The following MYPN variants were observed in gnomAD, a reference collection of about 807,000 sequenced individuals.
The protein encoded by MYPN is sarcomeric protein myopalladin, 145 kDa (MYOP).
Under a neutral mutation model 129.4 loss-of-function variants are expected in MYPN, and 63 were observed. The ratio of observed to expected loss-of-function variants is 0.49; its 90% confidence interval spans 0.40 to 0.60. The LOEUF (loss-of-function observed/expected upper bound fraction) is 0.60. Ranked by LOEUF, MYPN falls within the 20% of genes least tolerant of loss-of-function variation. The probability of loss-of-function intolerance (pLI) is 0.00; values close to 1 mark genes in which losing one functional copy is unlikely to be tolerated. For missense variants in MYPN, 1,596 were observed against 1,635.4 expected (o/e 0.98, Z 0.42); for synonymous variants, 629 against 600.9 (o/e 1.05, Z -0.68).
At chr10:68,206,974 T>G in intron 19 of MYPN, 71 bp downstream of exon 19, 3 of 1,578,672 alleles carry the variant, frequency 1.9e-6, no homozygotes, top group Non-Finnish European at 2.6e-6. Context: ...TAAAGATAAA[T>G]GGGTCAGGCA....
chr10:68,097,635 C>G (rs1207443884), intron 1 of MYPN, among the ~76,000 whole-genome samples: 1 of 152,076 alleles, frequency 6.6e-6, no homozygotes, highest in Non-Finnish European at 1.5e-5. Context: ...AACTGAGACA[C>G]AAAGAGATTA....
intron 6 of MYPN, among the ~76,000 whole-genome samples, chr10:68,156,044 T>C (rs1399427641): frequency 6.6e-6 from 1 of 152,232 alleles, no homozygotes; most frequent in Non-Finnish European, 1.5e-5. Flanking sequence ...AGGGCTTTTG[T>C]GTAATCTCTG....
intron 12 of MYPN, among the ~76,000 whole-genome samples, chr10:68,177,520 G>A (rs536297754): frequency 1.3e-5 from 2 of 152,258 alleles, no homozygotes; most frequent in Non-Finnish European, 2.9e-5. Context: ...GAAGTTTTGG[G>A]AAATAAAATG....
intron 1 of MYPN, among the ~76,000 whole-genome samples, chr10:68,094,590 C>T (rs907534359): frequency 6.6e-6 from 1 of 152,086 alleles, no homozygotes; most frequent in African/African-American, 2.4e-5. Flanking sequence ...TACCCAGCCC[C>T]TATTCGAGAT....
At position 68,202,331 on chromosome 10, in the gene MYPN, G is replaced by T. The variant is rs113332854; in HGVS notation, c.3659+337G>T. Among the ~76,000 whole-genome samples the T allele has an allele frequency of 5.3e-5, 8 of 152,178 alleles. 1 individual carries two copies. Among genetic ancestry groups the T allele is most frequent in the African/African-American group, 1.9e-4 (8 of 41,504 alleles). On this transcript the variant is annotated intron_variant, in intron 18 of 19. Transcript: ENST00000358913. Reference sequence around the variant, plus strand: ...GCCTGTAGTCCCAGCTACTCGGGAGGCTGAGGCAGGAGAATGGCGTGAACC... The same window carrying T: ...GCCTGTAGTCCCAGCTACTCGGGAGTCTGAGGCAGGAGAATGGCGTGAACC...
intron 11 of MYPN, among the ~76,000 whole-genome samples, chr10:68,175,073 T>C (rs1589588833): frequency 6.6e-6 from 1 of 150,698 alleles, no homozygotes; most frequent in African/African-American, 2.4e-5. Context: ...GAGGCGGAGG[T>C]TGCAGTGAGC....
At chr10:68,111,202 G>C (rs1383109671) in intron 1 of MYPN, among the ~76,000 whole-genome samples, 1 of 152,142 alleles carries the variant, frequency 6.6e-6, no homozygotes, top group African/African-American at 2.4e-5. Context: ...TTGCAAATTT[G>C]CTTTTGAACA....
At chr10:68,178,687 T>C (rs983696541) in intron 12 of MYPN, among the ~76,000 whole-genome samples, 6 of 136,750 alleles carry the variant, frequency 4.4e-5, no homozygotes, top group African/African-American at 1.6e-4. Flanking sequence ...AGCTCCAGTC[T>C]GGGTGACAGA....
At chr10:68,119,047 G>T (rs1029719434) in intron 1 of MYPN, among the ~76,000 whole-genome samples, 2 of 152,066 alleles carry the variant, frequency 1.3e-5, no homozygotes, top group Admixed American at 1.3e-4. Flanking sequence ...CGAGGCTAAA[G>T]AAATAGTTGA....
At chr10:68,113,550 A>G (rs142195643) in intron 1 of MYPN, among the ~76,000 whole-genome samples, 522 of 152,162 alleles carry the variant, frequency 3.4e-3, no homozygotes, top group Non-Finnish European at 4.9e-3. Context: ...TTTAAAAGTT[A>G]TCTGGGCATG....
rs559718410 is a variant in MYPN, at chr10:68,185,395, C to G, written c.2704-3510C>G. ...CATTTTCTTTATGATTTACCCATAG[C>G]AAGAGTCCCCAGCTAATTCCCTAGT... On this transcript the variant is annotated intron_variant, in intron 12 of 19. Coordinates refer to ENST00000358913, the MANE Select transcript of MYPN (RefSeq NM_032578.4). 6.6e-5 allele frequency among the ~76,000 whole-genome samples: 10 copies of G among 152,236 alleles called. No homozygotes were observed. The East Asian group carries it at 1.9e-3, about 29-fold the overall frequency.
chr10:68,104,990 G>A (rs2133949493), upstream of MYPN, among the ~76,000 whole-genome samples: 1 of 152,158 alleles, frequency 6.6e-6, no homozygotes. Flanking sequence ...CACCATGTTG[G>A]CCAGGCTGGC....
chr10:68,173,986 G>T, intron 10 of MYPN, 80 bp from the exon 11 acceptor site: 1 of 1,182,716 alleles, frequency 8.5e-7, no homozygotes, highest in Non-Finnish European at 1.3e-6. Context: ...GTTATAAACA[G>T]TCTGTCTGAA....
intron 1 of MYPN, 27 bp downstream of exon 1, chr10:68,109,750 T>C (rs1390108194): frequency 2.2e-6 from 1 of 448,896 alleles, no homozygotes; most frequent in African/African-American, 2.0e-5. Flanking sequence ...AGTTCACAAG[T>C]GTGTTTTGAT....
intron 13 of MYPN, among the ~76,000 whole-genome samples, chr10:68,190,470 C>T (rs538880292): frequency 3.9e-5 from 6 of 152,224 alleles, no homozygotes; most frequent in East Asian, 3.9e-4. Context: ...GGATTACAGG[C>T]GTGAGCCACC....
chr10:68,183,757 C>T (rs1440947324), intron 12 of MYPN, among the ~76,000 whole-genome samples: 1 of 152,138 alleles, frequency 6.6e-6, no homozygotes, highest in African/African-American at 2.4e-5. Context: ...GGTACAGTGG[C>T]TTAGGCCTGT....
At chr10:68,127,319 C>CTTTTTTTT (rs71470508) in intron 2 of MYPN, among the ~76,000 whole-genome samples, 11 of 72,572 alleles carry the variant, frequency 1.5e-4, no homozygotes, top group Non-Finnish European at 1.9e-4. Flanking sequence ...ACACATATAT[C>CTTTTTTTT]TTTTTTTTTT....
intron 1 of MYPN, among the ~76,000 whole-genome samples, chr10:68,099,699 A>T (rs1309843203): frequency 6.6e-6 from 1 of 152,142 alleles, no homozygotes; most frequent in Non-Finnish European, 1.5e-5. Context: ...ATTGCTTATT[A>T]TGTATTGTTG....
intron 17 of MYPN, among the ~76,000 whole-genome samples, chr10:68,200,667 A>G (rs2043694245): frequency 6.6e-6 from 1 of 152,048 alleles, no homozygotes; most frequent in East Asian, 1.9e-4. Flanking sequence ...CTGAGGCAGG[A>G]GAATCGCTTG....
Sources: allele counts gnomAD v4.1 joint callset (sites outside exome capture counted in the v4.1 genomes callset), GRCh38; gene constraint gnomAD v4.1.1; transcripts MANE v1.5; gene names NCBI Gene and HGNC (gene_info 2026-07-23, HGNC 2026-07-21).